MYOCOS: variants seen among roughly 807,000 people sequenced by gnomAD.
MYOCOS encodes the protein myocilin opposite strand protein.
At chr1:171,624,297 C>G (rs1652645820) in intron 2 of MYOCOS, among the ~76,000 whole-genome samples, 1 of 152,066 alleles carries the variant, frequency 6.6e-6, no homozygotes, top group Non-Finnish European at 1.5e-5. Flanking sequence ...GGGTCTCGCT[C>G]TGTCACCTGG....
At chr1:171,604,528 C>T (rs181364198) in intron 1 of MYOCOS, among the ~76,000 whole-genome samples, 338 of 152,284 alleles carry the variant, frequency 2.2e-3, no homozygotes, top group African/African-American at 7.9e-3. Flanking sequence ...CTCCTTTGAA[C>T]CTCCCATGAT....
upstream of MYOCOS, among the ~76,000 whole-genome samples, chr1:171,621,528 A>T (rs566266338): frequency 5.9e-4 from 89 of 151,904 alleles, 1 homozygote; most frequent in Non-Finnish European, 9.0e-4. Context: ...GGCACCCGCC[A>T]CCACGCCTGG....
At chr1:171,612,748 T>A (rs376707008) in intron 1 of MYOCOS, among the ~76,000 whole-genome samples, 1 of 152,138 alleles carries the variant, frequency 6.6e-6, no homozygotes, top group African/African-American at 2.4e-5. Flanking sequence ...GAGAATTGCT[T>A]GAACCTGGGA....
In MYOCOS at chr1:171,626,449, C is replaced by T. The variant is rs1368427924; in HGVS notation, c.96-5C>T. Reference sequence around the variant, plus strand: ...AAATGGCATTCAATGTGCCTTTCTTCCTAGAAAAGAGATAATTACCCAGAA... The same window carrying T: ...AAATGGCATTCAATGTGCCTTTCTTTCTAGAAAAGAGATAATTACCCAGAA... On this transcript the variant is annotated splice_region_variant and splice_polypyrimidine_tract_variant and intron_variant, in intron 2 of 2. Coordinates refer to ENST00000637642, the MANE Select transcript of MYOCOS (RefSeq NM_001391940.1). 2 of 398,454 alleles carry T rather than the reference C, an allele frequency of 5.0e-6. No individual in the cohort carries two copies. Among genetic ancestry groups the T allele is most frequent in the East Asian group, 3.6e-5 (1 of 28,094 alleles). 24.7% of individuals were successfully genotyped at this position (398,454 alleles called of 1,614,324 possible). A position where few individuals can be genotyped will look rare whatever the true frequency, so the allele number is the denominator to read the frequency against.
intron 1 of MYOCOS, among the ~76,000 whole-genome samples, chr1:171,614,157 T>C (rs1282056729): frequency 6.6e-6 from 1 of 152,224 alleles, no homozygotes; most frequent in Non-Finnish European, 1.5e-5. Context: ...GATATTAATG[T>C]TCCATTACTG....
intron 1 of MYOCOS, among the ~76,000 whole-genome samples, chr1:171,611,202 G>T (rs1216814888): frequency 1.3e-5 from 2 of 152,140 alleles, no homozygotes; most frequent in African/African-American, 4.8e-5. Flanking sequence ...CAAACTTGAG[G>T]GTTTTCTTTT....
chr1:171,620,771 T>G (rs61805424), upstream of MYOCOS, among the ~76,000 whole-genome samples: 1 of 100,150 alleles, frequency 1.0e-5, no homozygotes, highest in East Asian at 2.7e-4. Flanking sequence ...TTCTTTTTCT[T>G]TCTTTTTTTT....
chr1:171,624,496 G>A (rs867476171), intron 2 of MYOCOS, among the ~76,000 whole-genome samples: 1 of 151,488 alleles, frequency 6.6e-6, no homozygotes, highest in South Asian at 2.1e-4. Flanking sequence ...GCCCAGGCTG[G>A]AGCAATCTTG....
upstream of MYOCOS, among the ~76,000 whole-genome samples, chr1:171,621,536 T>C (rs7528396): frequency 2.2e-4 from 33 of 151,878 alleles, 2 homozygotes; most frequent in South Asian, 1.7e-3. Flanking sequence ...CCACCACGCC[T>C]GGCTAATTTT....
At chr1:171,616,795 G>A (rs1407010159) in intron 2 of MYOCOS, among the ~76,000 whole-genome samples, 1 of 152,180 alleles carries the variant, frequency 6.6e-6, no homozygotes, top group Non-Finnish European at 1.5e-5. Flanking sequence ...TTTGGTCAAG[G>A]ATAGGCTGAG....
intron 1 of MYOCOS, among the ~76,000 whole-genome samples, chr1:171,603,236 G>A (rs1293651921): frequency 6.6e-6 from 1 of 152,206 alleles, no homozygotes; most frequent in Non-Finnish European, 1.5e-5. Flanking sequence ...GATGCAGTGA[G>A]CTTAAGAATT....
intron 1 of MYOCOS, among the ~76,000 whole-genome samples, chr1:171,623,169 C>T (rs1458682307): frequency 1.3e-5 from 2 of 152,054 alleles, no homozygotes; most frequent in Non-Finnish European, 2.9e-5. Flanking sequence ...TACACTCCAG[C>T]CTTGGTGACA....
At chr1:171,602,560 G>A (rs1422034969) in intron 1 of MYOCOS, among the ~76,000 whole-genome samples, 2 of 152,042 alleles carry the variant, frequency 1.3e-5, no homozygotes, top group Non-Finnish European at 2.9e-5. Context: ...TTTTCTTAAA[G>A]CATCAACCTG....
At chr1:171,619,830 CAAA>C (rs557972701), upstream of MYOCOS, among the ~76,000 whole-genome samples, 2 of 96,260 alleles carry the variant, frequency 2.1e-5, no homozygotes, top group Admixed American at 1.1e-4. Context: ...GACTCCATCT[CAAA>C]AAAAAAAAAA....
chr1:171,626,378 A>T (rs982715271), intron 2 of MYOCOS, 76 bp from the exon 3 acceptor site: 23 of 396,628 alleles, frequency 5.8e-5, no homozygotes, highest in African/African-American at 4.5e-4. Flanking sequence ...CACCATGCCC[A>T]GTCTGTTTCC....
chr1:171,607,149 T>C (rs1572201759), intron 1 of MYOCOS, among the ~76,000 whole-genome samples: 1 of 151,870 alleles, frequency 6.6e-6, no homozygotes, highest in East Asian at 1.9e-4. Flanking sequence ...CATATGTCTG[T>C]TTTTCCACCT....
chr1:171,603,214 G>A (rs1220576152), intron 1 of MYOCOS, among the ~76,000 whole-genome samples: 1 of 152,220 alleles, frequency 6.6e-6, no homozygotes, highest in Admixed American at 6.5e-5. Context: ...GCATTCCTTA[G>A]AGACCTGAAG....
chr1:171,615,657 C>G (rs1298434126), intron 2 of MYOCOS, among the ~76,000 whole-genome samples: 2 of 152,190 alleles, frequency 1.3e-5, no homozygotes, highest in African/African-American at 4.8e-5. Context: ...AAACTCCCTG[C>G]CCTGTTCTGT....
intron 1 of MYOCOS, chr1:171,604,363 C>T (rs1446792519): frequency 6.6e-6 from 1 of 152,202 alleles, no homozygotes; most frequent in Non-Finnish European, 1.5e-5. Flanking sequence ...CCAGTATATA[C>T]ATCAAGTCAC....
Sources: allele counts gnomAD v4.1 joint callset (sites outside exome capture counted in the v4.1 genomes callset), GRCh38; gene constraint gnomAD v4.1.1; transcripts MANE v1.5; gene names NCBI Gene and HGNC (gene_info 2026-07-23, HGNC 2026-07-21).